The following TUBA1C variants were observed in gnomAD, a reference collection of about 807,000 sequenced individuals.
The protein encoded by TUBA1C is tubulin alpha 1c.
TUBA1C carries 16 observed loss-of-function variants against 34.9 expected under a neutral mutation model. The observed-to-expected ratio is 0.46, with a 90% CI of 0.31 to 0.70. The LOEUF is 0.70. Among genes scored for constraint, TUBA1C ranks in the 30% least tolerant of loss-of-function variants. TUBA1C has a pLI of 0.05. For synonymous variants in TUBA1C, 177 were observed against 215.9 expected (o/e 0.82, Z 1.58); for missense variants, 329 against 587.3 (o/e 0.56, Z 4.55).
chr12:49,242,273 G>A (rs914826280), intron 1 of TUBA1C, among the ~76,000 whole-genome samples: 1 of 152,042 alleles, frequency 6.6e-6, no homozygotes, highest in Admixed American at 6.6e-5. Context: ...TTACAGGTGT[G>A]AGCCACTGCA....
At chr12:49,265,066 G>T (rs895884046), upstream of TUBA1C, 4 of 1,371,728 alleles carry the variant, frequency 2.9e-6, no homozygotes, top group Non-Finnish European at 3.8e-6. Context: ...GGCCCTTCGG[G>T]GCCGGCCACC....
intron 1 of TUBA1C, among the ~76,000 whole-genome samples, chr12:49,238,511 C>A (rs73306244): frequency 0.017 from 2,523 of 152,254 alleles, 68 homozygotes; most frequent in African/African-American, 0.058. Context: ...ATGCTGATTG[C>A]GAGCCCCAGG....
intron 1 of TUBA1C, among the ~76,000 whole-genome samples, chr12:49,237,165 GT>G (rs1411694692): frequency 6.6e-6 from 1 of 151,868 alleles, no homozygotes; most frequent in Non-Finnish European, 1.5e-5. Flanking sequence ...CACACCTGTA[GT>G]CCCAACACTT....
At chr12:49,247,590 CGA>C (rs1297259031) in intron 1 of TUBA1C, among the ~76,000 whole-genome samples, 4 of 151,676 alleles carry the variant, frequency 2.6e-5, no homozygotes, top group Admixed American at 2.6e-4. Context: ...GGCAACAGAG[CGA>C]GACTCTGTCT....
rs1942912217 is a variant in TUBA1C at position 49,266,346 on chromosome 12, C to A, written c.3+1162C>A. Among the ~76,000 whole-genome samples the A allele has an allele frequency of 2.0e-5, 3 of 151,082 alleles. No individual in the cohort carries two copies. In the South Asian group the frequency reaches 6.3e-4, roughly 32 times the overall value. ...TCGGGAGGCTGAGGCAGGAGAATGG[C>A]GTGAACCCGGGAGGCGGAGCTTGCA... On this transcript the variant is annotated intron_variant, in intron 1 of 3. Coordinates refer to ENST00000301072, the MANE Select transcript of TUBA1C (RefSeq NM_032704.5).
In TUBA1C at chr12:49,238,241, T is replaced by C. The variant is rs148462614; in HGVS notation, c.213+10075T>C. Among the ~76,000 whole-genome samples, 281 of 151,912 alleles carry C rather than the reference T, an allele frequency of 1.8e-3. 2 individuals carry two copies. Among genetic ancestry groups the C allele is most frequent in the African/African-American group, 6.6e-3 (272 of 41,186 alleles). ...GATGGCTAGTGCCACATCTATTGTA[T>C]CCCACAATTCTGCTAATGTGAAAAT... is the stretch of plus-strand genomic sequence containing the variant. On this transcript the variant is annotated intron_variant, in intron 1 of 3. Coordinates refer to the TUBA1C transcript ENST00000541364.
chr12:49,227,936 T>C, exon 1 of TUBA1C: 1 of 1,535,146 alleles, frequency 6.5e-7, no homozygotes, highest in Non-Finnish European at 8.7e-7. Context: ...AAGTGAACAA[T>C]GGGCGCCCAG....
intron 1 of TUBA1C, among the ~76,000 whole-genome samples, chr12:49,246,200 C>G (rs1942665548): frequency 6.7e-6 from 1 of 149,662 alleles, no homozygotes; most frequent in Non-Finnish European, 1.5e-5. Context: ...GCCACTGCAT[C>G]TGGCCTAATT....
chr12:49,262,971 C>T (rs6580705), upstream of TUBA1C, among the ~76,000 whole-genome samples: 148,617 of 151,180 alleles, frequency 0.98, 73,064 homozygotes, highest in East Asian at 1. Flanking sequence ...GGCAGCAAAT[C>T]TAAATATGGA....
intron 1 of TUBA1C, among the ~76,000 whole-genome samples, chr12:49,243,055 G>C (rs1279720549): frequency 6.6e-6 from 1 of 152,172 alleles, no homozygotes; most frequent in Admixed American, 6.6e-5. Context: ...TAATCTGCCT[G>C]CCTCAGCCTC....
intron 3 of TUBA1C, chr12:49,270,221 T>A (rs1432296115): frequency 2.9e-6 from 2 of 697,512 alleles, no homozygotes; most frequent in Non-Finnish European, 4.8e-6. Flanking sequence ...TGAGGTCATC[T>A]TAGTCATACT....
At chr12:49,262,400 A>T (rs1195488822), upstream of TUBA1C, among the ~76,000 whole-genome samples, 1 of 81,028 alleles carries the variant, frequency 1.2e-5, no homozygotes, top group African/African-American at 4.4e-5. Context: ...GACCCTGTGT[A>T]AAAAAAAAAA....
Position 49,273,853 on chromosome 12 carries a change from A to T in TUBA1C, c.*626A>T, listed in dbSNP as rs1295085143. 3 of 155,584 alleles carry T rather than the reference A, an allele frequency of 1.9e-5. No homozygotes were observed. The highest frequency in any genetic ancestry group is 4.3e-5 in the Non-Finnish European group (3 of 70,156). 9.6% of individuals were successfully genotyped at this position (155,584 alleles called of 1,614,324 possible). A position where few individuals can be genotyped will look rare whatever the true frequency, so the allele number is the denominator to read the frequency against. On this transcript the variant is annotated 3_prime_UTR_variant, in exon 4 of 4. Transcript: ENST00000301072. The stretch of plus-strand genomic sequence containing the variant: ...AACCTGGTGGCTCATGCACTTCGGG[A>T]GGCCAAGTTGGGTGGATCACGAGCC...
At chr12:49,247,237 A>G (rs561049331) in intron 1 of TUBA1C, among the ~76,000 whole-genome samples, 1 of 152,204 alleles carries the variant, frequency 6.6e-6, no homozygotes, top group African/African-American at 2.4e-5. Flanking sequence ...CAGAGCTCAT[A>G]GATTTAGCCC....
chr12:49,242,777 C>T (rs73306246), intron 1 of TUBA1C, among the ~76,000 whole-genome samples: 5,569 of 152,158 alleles, frequency 0.037, 153 homozygotes, highest in African/African-American at 0.081. Context: ...TATGAGCTAC[C>T]GCGCCTGGCT....
upstream of TUBA1C, among the ~76,000 whole-genome samples, chr12:49,262,944 A>C (rs759945618): frequency 1.8e-4 from 28 of 152,108 alleles, no homozygotes; most frequent in Non-Finnish European, 4.0e-4. Context: ...ATTTTTCCCC[A>C]AAAAATTCCA....
intron 1 of TUBA1C, among the ~76,000 whole-genome samples, chr12:49,240,063 C>T (rs1403010164): frequency 6.6e-6 from 1 of 151,708 alleles, no homozygotes; most frequent in African/African-American, 2.4e-5. Flanking sequence ...CACACACACA[C>T]ACACACACAC....
chr12:49,256,511 G>A, intron 1 of TUBA1C: 1 of 438,520 alleles, frequency 2.3e-6, no homozygotes, highest in Non-Finnish European at 4.6e-6. Flanking sequence ...CCATTTACAA[G>A]GTCAGTGGGG....
At chr12:49,256,534 C>A in intron 1 of TUBA1C, 1 of 409,348 alleles carries the variant, frequency 2.4e-6, no homozygotes, top group South Asian at 1.7e-5. Flanking sequence ...TGAAACTGAC[C>A]AAAACAGAGA....
Sources: allele counts gnomAD v4.1 joint callset (sites outside exome capture counted in the v4.1 genomes callset), GRCh38; gene constraint gnomAD v4.1.1; transcripts MANE v1.5; gene names NCBI Gene and HGNC (gene_info 2026-07-23, HGNC 2026-07-21).